The following BMPR1B variants were observed in gnomAD, a reference collection of about 807,000 sequenced individuals.
BMPR1B encodes bone morphogenetic protein receptor type 1B, also known as bone morphogenetic protein receptor type-1B.
Under a neutral mutation model 59.1 loss-of-function variants are expected in BMPR1B, and 12 were observed. That is an observed-to-expected ratio of 0.20 (90% confidence interval 0.13 to 0.33). BMPR1B has a LOEUF of 0.33. Ranked by LOEUF, BMPR1B falls within the 10% of genes least tolerant of loss-of-function variation. The probability of loss-of-function intolerance (pLI) is 1.00; values close to 1 mark genes in which losing one functional copy is unlikely to be tolerated. For missense variants in BMPR1B, 550 were observed against 610.9 expected (o/e 0.90, Z 1.05); for synonymous variants, 237 against 207.3 (o/e 1.14, Z -1.23).
intron 1 of BMPR1B, among the ~76,000 whole-genome samples, chr4:94,820,117 A>G (rs955877669): frequency 1.3e-5 from 2 of 152,148 alleles, no homozygotes; most frequent in African/African-American, 4.8e-5. Context: ...GGTTCAGTGT[A>G]TTATTCCTGT....
At chr4:94,910,690 T>A (rs1032187193) in intron 2 of BMPR1B, among the ~76,000 whole-genome samples, 1 of 151,994 alleles carries the variant, frequency 6.6e-6, no homozygotes, top group Non-Finnish European at 1.5e-5. Context: ...GGAGAATCAC[T>A]TGAGGCCAGA....
At chr4:94,966,000 A>C (rs568168351) in intron 2 of BMPR1B, among the ~76,000 whole-genome samples, 39 of 152,332 alleles carry the variant, frequency 2.6e-4, no homozygotes, top group Non-Finnish European at 4.0e-4. Flanking sequence ...TGGACATGCC[A>C]CCATACAGTT....
intron 2 of BMPR1B, among the ~76,000 whole-genome samples, chr4:94,906,903 T>C (rs543005000): frequency 1.3e-4 from 20 of 152,202 alleles, no homozygotes; most frequent in African/African-American, 4.6e-4. Context: ...AGATCATTTA[T>C]ATTATAACTA....
intron 9 of BMPR1B, among the ~76,000 whole-genome samples, 165 bp downstream of exon 9, chr4:95,130,219 C>T (rs1289569047): frequency 6.6e-6 from 1 of 152,080 alleles, no homozygotes; most frequent in African/African-American, 2.4e-5. Flanking sequence ...TGGGAGACCT[C>T]ACAGGAGGAA....
chr4:94,987,213 A>G (rs13114995), intron 2 of BMPR1B, among the ~76,000 whole-genome samples: 3 of 143,564 alleles, frequency 2.1e-5, no homozygotes, highest in East Asian at 2.0e-4. Flanking sequence ...TGTAATATAT[A>G]TCATATTATA....
chr4:95,082,409 C>T (rs1362904111), intron 3 of BMPR1B, among the ~76,000 whole-genome samples: 2 of 151,898 alleles, frequency 1.3e-5, no homozygotes, highest in African/African-American at 2.4e-5. Context: ...CAGTAGTTTG[C>T]GCTCAGGCAA....
At chr4:94,812,387 C>A (rs1723851726) in intron 1 of BMPR1B, among the ~76,000 whole-genome samples, 1 of 152,130 alleles carries the variant, frequency 6.6e-6, no homozygotes, top group Admixed American at 6.5e-5. Flanking sequence ...ATGAGTAGAG[C>A]AGTGAAAGCT....
chr4:95,117,650 G>A (rs1251942730), intron 6 of BMPR1B, among the ~76,000 whole-genome samples: 2 of 152,036 alleles, frequency 1.3e-5, no homozygotes, highest in Non-Finnish European at 2.9e-5. Context: ...TCTGGGCATG[G>A]TGGTATACAT....
In BMPR1B at chr4:95,131,307, C is replaced by A. The variant is rs1733341084; in HGVS notation, c.871C>A (p.Leu291Met). 6.2e-7 allele frequency: 1 copy of A among 1,613,802 alleles called. No homozygotes were observed. Among genetic ancestry groups the A allele is most frequent in the African/African-American group, 1.3e-5 (1 of 74,854 alleles). ...TGAAAATGGTTCCCTTTATGATTAT[C>A]TGAAGTCCACCACCCTAGACGCTAA... ...YHENGSLYDYLKSTTLDAKSM... is the reference protein window; with the variant it reads ...YHENGSLYDYMKSTTLDAKSM... Residue 291 changes from leucine (L) to methionine (M), a missense_variant, in exon 10 of 13, where the codon CTG (leucine) becomes ATG (methionine). Around this residue, in one of 6 missense-constraint regions of BMPR1B, gnomAD observed 318 missense variants for 284.6 expected, o/e 1.12. Coordinates refer to ENST00000515059, the MANE Select transcript of BMPR1B (RefSeq NM_001203.3).
At chr4:94,875,189 C>A (rs1726672757) in intron 1 of BMPR1B, among the ~76,000 whole-genome samples, 2 of 152,084 alleles carry the variant, frequency 1.3e-5, no homozygotes, top group African/African-American at 4.8e-5. Flanking sequence ...AAGCTAGGAG[C>A]TCAAACATTA....
intron 3 of BMPR1B, among the ~76,000 whole-genome samples, chr4:95,006,543 T>A (rs1476017754): frequency 1.3e-5 from 1 of 79,936 alleles, no homozygotes; most frequent in Non-Finnish European, 2.3e-5. Flanking sequence ...TACCTTCTGA[T>A]TTTTTTTTTT....
Position 94,840,300 on chromosome 4 carries a change from C to T in BMPR1B, c.-182-35531C>T, listed in dbSNP as rs996020401. Among the ~76,000 whole-genome samples, 11 of 148,260 alleles carry T rather than the reference C, an allele frequency of 7.4e-5. 1 individual carries two copies. The highest frequency in any genetic ancestry group is 5.8e-4 in the East Asian group (3 of 5,170). ...GTTCTCTGTATTTCCTGAATCTGAA[C>T]GTTGGCCTGCCTTGTTAGATTGGGG... On this transcript the variant is annotated intron_variant, in intron 1 of 12. Coordinates refer to ENST00000515059, the MANE Select transcript of BMPR1B (RefSeq NM_001203.3).
chr4:95,132,508 G>A (rs935907740), intron 10 of BMPR1B, among the ~76,000 whole-genome samples: 1 of 152,112 alleles, frequency 6.6e-6, no homozygotes, highest in African/African-American at 2.4e-5. Flanking sequence ...GGAAATTGAA[G>A]TTCTTGATCT....
chr4:94,998,248 A>T (rs1434361086), intron 3 of BMPR1B, among the ~76,000 whole-genome samples: 1 of 152,110 alleles, frequency 6.6e-6, no homozygotes, highest in Non-Finnish European at 1.5e-5. Flanking sequence ...CTTTTGTATT[A>T]TGTGTTAAGT....
At chr4:94,782,781 C>T (rs991878413) in intron 1 of BMPR1B, among the ~76,000 whole-genome samples, 1 of 152,178 alleles carries the variant, frequency 6.6e-6, no homozygotes, top group Non-Finnish European at 1.5e-5. Context: ...TTTGTCAGAT[C>T]TAACATCTGG....
intron 2 of BMPR1B, among the ~76,000 whole-genome samples, chr4:94,944,649 A>G (rs992545871): frequency 3.3e-5 from 5 of 152,138 alleles, no homozygotes; most frequent in South Asian, 2.1e-4. Context: ...AATGATGATG[A>G]TGTTTATACT....
chr4:94,795,740 A>C (rs944792959), intron 1 of BMPR1B, among the ~76,000 whole-genome samples: 1 of 152,144 alleles, frequency 6.6e-6, no homozygotes, highest in African/African-American at 2.4e-5. Flanking sequence ...CTGGGATTAC[A>C]GGTGTGAGCC....
At chr4:95,095,098 A>C (rs957018095) in intron 3 of BMPR1B, among the ~76,000 whole-genome samples, 2 of 151,824 alleles carry the variant, frequency 1.3e-5, no homozygotes, top group Non-Finnish European at 2.9e-5. Context: ...GATTTATTTG[A>C]AAGTACTTTA....
intron 1 of BMPR1B, among the ~76,000 whole-genome samples, chr4:94,829,327 C>CT (rs35278466): frequency 0.56 from 76,468 of 136,834 alleles, 21,495 homozygotes; most frequent in East Asian, 0.76. Context: ...TTTTATTTTC[C>CT]TTTTTTTTTT....
Sources: gnomAD v4.1 joint callset for allele counts (sites outside exome capture counted in the v4.1 genomes callset) on GRCh38, gnomAD v4.1.1 for gene constraint, gnomAD v4.1.1 regional missense constraint, MANE v1.5 for transcripts, NCBI Gene and HGNC (gene_info 2026-07-23, HGNC 2026-07-21) for gene names.